The following NCKAP1 variants were observed in gnomAD, a reference collection of about 807,000 sequenced individuals.
The protein encoded by NCKAP1 is nck-associated protein 1.
Under a neutral mutation model 151.2 loss-of-function variants are expected in NCKAP1, and 21 were observed. That is an observed-to-expected ratio of 0.14 (90% CI 0.10 to 0.20). The LOEUF is 0.20. NCKAP1 is among the 10% of genes least tolerant of loss of function. The pLI is 1.00. For synonymous variants in NCKAP1, 484 were observed against 451.8 expected (o/e 1.07, Z -0.90); for missense variants, 933 against 1,352.1 (o/e 0.69, Z 4.86).
intron 2 of NCKAP1, among the ~76,000 whole-genome samples, chr2:183,009,475 G>GAAGCAAGCAAGCAAGC (rs1199446455): frequency 2.0e-5 from 2 of 100,226 alleles, no homozygotes; most frequent in Non-Finnish European, 4.1e-5. Context: ...AGGAAGGAAG[G>GAAGCAAGCAAGCAAGC]AAGCAAGCAA....
At chr2:183,035,491 A>T (rs1394564985) in intron 1 of NCKAP1, among the ~76,000 whole-genome samples, 1 of 152,186 alleles carries the variant, frequency 6.6e-6, no homozygotes, top group Non-Finnish European at 1.5e-5. Context: ...AAAATGTGAT[A>T]ATTGATTGGC....
intron 24 of NCKAP1, 47 bp downstream of exon 24, chr2:182,942,019 CTGAG>C: frequency 7.0e-7 from 1 of 1,432,848 alleles, no homozygotes; most frequent in Non-Finnish European, 9.7e-7. Flanking sequence ...AAGCTAAATA[CTGAG>C]TATCAAGATC....
In NCKAP1 at chr2:183,038,051, G is replaced by C; in HGVS notation, c.49C>G (p.Leu17Val). 3 of 1,588,230 alleles carry C rather than the reference G, an allele frequency of 1.9e-6. No homozygotes were observed. The highest frequency in any genetic ancestry group is 1.7e-5 in the Admixed American group (1 of 58,664). The part of the protein sequence containing the change: ...QPSQQKLAEK[L>V]TILNDRGVGM... ...ACGCCCCGGTCGTTGAGGATGGTGA[G>C]CTTCTCCGCCAGCTTCTGCTGACTG... is the stretch of plus-strand genomic sequence containing the variant. The change falls in exon 1 of 31, where the codon CTC becomes GTC. Residue 17 changes from leucine (L) to valine (V), a missense_variant. By Grantham distance (32) the Leu-to-Val change is conservative (BLOSUM62 1). Coordinates refer to ENST00000361354, the MANE Select transcript of NCKAP1 (RefSeq NM_013436.5).
chr2:183,015,462 G>A (rs368631151), intron 2 of NCKAP1, among the ~76,000 whole-genome samples: 1 of 150,944 alleles, frequency 6.6e-6, no homozygotes, highest in Non-Finnish European at 1.5e-5. Context: ...GAAGACAGAA[G>A]GTTAGAGGAA....
chr2:183,036,641 C>G (rs1474579253), intron 1 of NCKAP1, among the ~76,000 whole-genome samples: 3 of 152,152 alleles, frequency 2.0e-5, no homozygotes, highest in Non-Finnish European at 4.4e-5. Flanking sequence ...TGCAGTTACT[C>G]TCCAGATAGC....
rs566899274 is a variant in NCKAP1 at position 183,037,897 on chromosome 2, G to C, written c.108+95C>G. The stretch of plus-strand genomic sequence containing the variant: ...CGGCGACGCCGAGATTTCTACACCC[G>C]GCGCCTCCTGCCGCCCCCACCCCAC... On this transcript the variant is annotated intron_variant, in intron 1 of 30. Transcript: ENST00000361354. The C allele has an allele frequency of 9.4e-5, 87 of 928,934 alleles. No homozygotes were observed. The South Asian group carries it at 1.6e-3, about 17-fold the overall frequency. The allele number at this position is 928,934 out of a possible 1,614,324, so 57.5% of individuals were successfully genotyped here.
intron 8 of NCKAP1, among the ~76,000 whole-genome samples, chr2:182,990,876 A>T (rs1383957315): frequency 6.6e-6 from 1 of 152,200 alleles, no homozygotes; most frequent in East Asian, 1.9e-4. Flanking sequence ...ATACACACAT[A>T]TTTAACTTCT....
At chr2:182,970,293 C>A (rs1697660475) in intron 15 of NCKAP1, among the ~76,000 whole-genome samples, 1 of 152,138 alleles carries the variant, frequency 6.6e-6, no homozygotes, top group Non-Finnish European at 1.5e-5. Context: ...CAAAACCAGA[C>A]AAAGACACAA....
At chr2:182,956,661 A>G (rs1697334536) in intron 19 of NCKAP1, 68 bp from the exon 20 acceptor site, 2 of 1,455,062 alleles carry the variant, frequency 1.4e-6, no homozygotes, top group Non-Finnish European at 1.8e-6. Flanking sequence ...TTAATTTTAT[A>G]AATATATCAA....
chr2:182,991,182 G>T lies in NCKAP1; in HGVS notation c.791-1996C>A, dbSNP rs550702144. The stretch of plus-strand genomic sequence containing the variant: ...AATTTTTATCACTTACAAGTTAAAA[G>T]TGTTTGTTTTTAACATACGTGTTAT... On this transcript the variant is annotated intron_variant, in intron 8 of 30. Transcript: ENST00000361354. 2.6e-5 allele frequency among the ~76,000 whole-genome samples: 4 copies of T among 152,278 alleles called. No individual in the cohort carries two copies. The South Asian group carries it at 8.3e-4, about 32-fold the overall frequency.
chr2:183,035,707 A>C (rs913002250), intron 1 of NCKAP1, among the ~76,000 whole-genome samples: 1 of 152,206 alleles, frequency 6.6e-6, no homozygotes, highest in Non-Finnish European at 1.5e-5. Flanking sequence ...CCAGACTCAC[A>C]GACAATTCTA....
intron 2 of NCKAP1, among the ~76,000 whole-genome samples, chr2:183,009,127 A>G (rs1398568687): frequency 6.6e-6 from 1 of 152,180 alleles, no homozygotes; most frequent in Non-Finnish European, 1.5e-5. Flanking sequence ...CAATCCCAGC[A>G]CTTTGGGAGG....
rs191256884 is a variant in NCKAP1, at chr2:182,920,129, G to T, written c.*5573C>A. ...ACTACAGGTGTACACAATCACACCC[G>T]GCTTTTTCATTTTTGTATTTTTTTT... On this transcript the variant is annotated 3_prime_UTR_variant, in exon 31 of 31. Coordinates refer to ENST00000361354, the MANE Select transcript of NCKAP1 (RefSeq NM_013436.5). The T allele has an allele frequency of 6.6e-6, 1 of 152,132 alleles. No homozygotes were observed. The highest frequency in any genetic ancestry group is 1.9e-4 in the East Asian group (1 of 5,142). The allele number at this position is 152,132 out of a possible 1,614,324, so 9.4% of individuals were successfully genotyped here.
chr2:183,005,200 T>TGA (rs1047576191), intron 2 of NCKAP1, among the ~76,000 whole-genome samples: 2 of 152,208 alleles, frequency 1.3e-5, no homozygotes, highest in Non-Finnish European at 2.9e-5. Flanking sequence ...ATACAACAGG[T>TGA]GAAAGTACAT....
intron 10 of NCKAP1, among the ~76,000 whole-genome samples, chr2:182,984,885 A>G (rs1438713640): frequency 1.3e-5 from 2 of 152,186 alleles, no homozygotes; most frequent in Non-Finnish European, 2.9e-5. Flanking sequence ...CTTACTACTT[A>G]TATTTTATTT....
At chr2:183,019,350 A>G (rs1158239042) in intron 2 of NCKAP1, among the ~76,000 whole-genome samples, 1 of 152,150 alleles carries the variant, frequency 6.6e-6, no homozygotes, top group Non-Finnish European at 1.5e-5. Context: ...AGGAAAGAGA[A>G]AAAAAAAGTT....
chr2:182,953,329 G>T lies in NCKAP1; in HGVS notation c.2156C>A (p.Ser719Ter). 1.9e-6 allele frequency: 3 copies of T among 1,606,346 alleles called. No individual in the cohort carries two copies. The South Asian group carries it at 3.3e-5, about 18-fold the overall frequency. ...ATTATACATAGTCATCCCAACAATTGACCTGGGAAGAAGGGATAGAAGAAT... is the reference window on the plus strand; with the variant it reads ...ATTATACATAGTCATCCCAACAATTTACCTGGGAAGAAGGGATAGAAGAAT... Reference protein sequence around the residue: ...TSHLEIRFTKSIVGMTMYNQA... With the variant: ...TSHLEIRFTK Residue 719 changes from serine (S) to a stop codon, truncating the protein, a stop_gained and splice_region_variant, in exon 21 of 31, where the codon TCA (serine) becomes TAA (stop). Coordinates refer to ENST00000361354, the MANE Select transcript of NCKAP1 (RefSeq NM_013436.5). LOFTEE classifies it high-confidence loss of function.
chr2:182,983,408 T>C (rs1257399741), intron 10 of NCKAP1, 26 bp from the exon 11 acceptor site: 1 of 1,470,298 alleles, frequency 6.8e-7, no homozygotes, highest in Admixed American at 1.8e-5. Flanking sequence ...CCATAATAGT[T>C]TATCTGCTTC....
chr2:182,996,235 G>A (rs1698265619), intron 6 of NCKAP1, among the ~76,000 whole-genome samples: 1 of 152,170 alleles, frequency 6.6e-6, no homozygotes, highest in African/African-American at 2.4e-5. Context: ...ATATGACTAA[G>A]TGTTAATAAA....
Sources: gnomAD v4.1 joint callset for allele counts (sites outside exome capture counted in the v4.1 genomes callset) on GRCh38, gnomAD v4.1.1 for gene constraint, MANE v1.5 for transcripts, NCBI Gene and HGNC (gene_info 2026-07-23, HGNC 2026-07-21) for gene names.